Variants in ETS2 observed in about 807,000 individuals in gnomAD.
ETS2 encodes ETS proto-oncogene 2, transcription factor, also known as protein C-ets-2.
ETS2 carries 19 observed loss-of-function variants against 54.9 expected under a neutral mutation model. The ratio of observed to expected loss-of-function variants is 0.35; its 90% CI spans 0.24 to 0.51. The LOEUF is 0.51. ETS2 is among the 20% of genes least tolerant of loss of function. The pLI, the probability that ETS2 is intolerant of heterozygous loss-of-function variation, is 0.97. For synonymous variants in ETS2, 219 were observed against 229.3 expected (o/e 0.95, Z 0.41); for missense variants, 417 against 593.0 (o/e 0.70, Z 3.08).
rs753252691 is a variant in ETS2 at position 38,818,554 on chromosome 21, C to G, written c.719C>G (p.Pro240Arg). The change falls in exon 7 of 10, where the codon CCC (proline) becomes CGC (arginine). Residue 240 changes from proline (P) to arginine (R), a missense_variant. By Grantham distance (103) the Pro-to-Arg change is moderately radical (BLOSUM62 -2). This residue lies in a region of ETS2 where 326 missense variants were observed against 426.1 expected (regional missense o/e 0.76). Coordinates refer to ENST00000360938, the MANE Select transcript of ETS2 (RefSeq NM_005239.6). ...LSSEQEFQMF[P>R]KSRLSSVSVT... ...TCTGAGCAGGAGTTTCAGATGTTCCCCAAGTCTCGGCTCAGCTCCGTCAGC... is the reference window on the plus strand; with the variant it reads ...TCTGAGCAGGAGTTTCAGATGTTCCGCAAGTCTCGGCTCAGCTCCGTCAGC... 1.9e-6 allele frequency: 3 copies of G among 1,614,168 alleles called. No individual in the cohort carries two copies. In the South Asian group the frequency reaches 3.3e-5, roughly 18 times the overall value.
rs770404906 is a variant in ETS2, at chr21:38,814,144, T to C, written c.185-129T>C. ...AAGTTTTTTGTTAATAGTTACACTG[T>C]TTTAAGGAATCATGCCAAGGTTTGA... On this transcript the variant is annotated intron_variant, in intron 3 of 9. Coordinates refer to ENST00000360938, the MANE Select transcript of ETS2 (RefSeq NM_005239.6). The surrounding 1 kb of genome is among the most constrained non-coding windows in gnomAD (Gnocchi z 4.2). The C allele has an allele frequency of 2.5e-4, 232 of 919,174 alleles. No homozygotes were observed. The highest frequency in any genetic ancestry group is 2.9e-4 in the Non-Finnish European group (170 of 590,794). 56.9% of individuals were successfully genotyped at this position (919,174 alleles called of 1,614,324 possible).
At chr21:38,818,742 C>A in intron 7 of ETS2, 96 bp downstream of exon 7, 1 of 1,413,074 alleles carries the variant, frequency 7.1e-7, no homozygotes, top group Non-Finnish European at 9.9e-7. Context: ...CTGGATTCAG[C>A]CATTAGAGAA....
Position 38,819,647 on chromosome 21 carries a change from G to A in ETS2, c.956G>A (p.Ser319Asn). ...PSFESFEDDC[S>N]QSLCLNKPTM... is the part of the protein sequence containing the mutation. ...TTCGAGAGCTTCGAAGATGACTGCAGCCAGTCTCTCTGCCTCAATAAGCCA... is the reference window on the plus strand; with the variant it reads ...TTCGAGAGCTTCGAAGATGACTGCAACCAGTCTCTCTGCCTCAATAAGCCA... Residue 319 changes from serine to asparagine, a missense_variant, in exon 8 of 10, where the codon AGC (serine) becomes AAC (asparagine). By Grantham distance (46) the Ser-to-Asn change is conservative. Transcript: ENST00000360938. 1.9e-6 allele frequency: 3 copies of A among 1,614,200 alleles called. No individual in the cohort carries two copies. Among genetic ancestry groups the A allele is most frequent in the Non-Finnish European group, 2.5e-6 (3 of 1,180,022 alleles).
At chr21:38,819,389 T>C in intron 7 of ETS2, 114 bp from the exon 8 acceptor site, 2 of 927,696 alleles carry the variant, frequency 2.2e-6, no homozygotes, top group Non-Finnish European at 3.4e-6. Context: ...GTCTGAGTGG[T>C]TCTACACCAG....
chr21:38,811,822 G>A (rs1238760418), intron 2 of ETS2, among the ~76,000 whole-genome samples: 1 of 152,062 alleles, frequency 6.6e-6, no homozygotes, highest in African/African-American at 2.4e-5. Context: ...TAGGTGATTT[G>A]GGTTTTTTTT....
At chr21:38,805,605 G>A, upstream of ETS2, 1 of 1,260,976 alleles carries the variant, frequency 7.9e-7, no homozygotes, top group Non-Finnish European at 1.0e-6. This position sits in a 1 kb window ranked among gnomAD's most constrained non-coding sequence, Gnocchi z 5.2. Context: ...GACAGCAGGA[G>A]GCGGAGGGAA....
Position 38,806,556 on chromosome 21 carries a change from C to T in ETS2, c.-1+436C>T. The T allele has an allele frequency of 1.0e-6, 1 of 985,494 alleles. No homozygotes were observed. Among genetic ancestry groups the T allele is most frequent in the African/African-American group, 1.7e-5 (1 of 57,354 alleles). 61.0% of individuals were successfully genotyped at this position (985,494 alleles called of 1,614,324 possible). A position where few individuals can be genotyped will look rare whatever the true frequency, so the allele number is the denominator to read the frequency against. ...AGAGCGTGTCCGAGGTGGCCTGGCG[C>T]CCCGGCTTTGAGGGTGACTTCCTGG... On this transcript the variant is annotated intron_variant, in intron 1 of 9. Transcript: ENST00000360938. This position sits in a 1 kb window ranked among gnomAD's most constrained non-coding sequence, Gnocchi z 4.3.
upstream of ETS2, chr21:38,805,779 C>G: frequency 1.2e-6 from 1 of 812,548 alleles, no homozygotes; most frequent in Non-Finnish European, 1.6e-6. The surrounding 1 kb of genome is among the most constrained non-coding windows in gnomAD (Gnocchi z 5.2). Flanking sequence ...ACCTCCCTTC[C>G]CCTCCTCTTC....
Position 38,814,643 on chromosome 21 carries a change from G to A in ETS2, c.305-138G>A, listed in dbSNP as rs2060925867. ...GCCTGGGTCGTGTCAGAATGGTGAC[G>A]TGTCATCATGGTATCTTGCTCATTC... On this transcript the variant is annotated intron_variant, in intron 4 of 9. Coordinates refer to ENST00000360938, the MANE Select transcript of ETS2 (RefSeq NM_005239.6). The surrounding 1 kb of genome is among the most constrained non-coding windows in gnomAD (Gnocchi z 4.2). 1.1e-5 allele frequency: 9 copies of A among 820,792 alleles called. No homozygotes were observed. The highest frequency in any genetic ancestry group is 2.5e-5 in the East Asian group (1 of 39,416). The allele number at this position is 820,792 out of a possible 1,614,324, so 50.8% of individuals were successfully genotyped here.
At chr21:38,815,995 GA>G (rs1232204832) in intron 5 of ETS2, among the ~76,000 whole-genome samples, 6 of 182 alleles carry the variant, frequency 0.033, no homozygotes, top group African/African-American at 0.067. Flanking sequence ...AGGAAGGAAG[GA>G]AGGAAGGAAG....
intron 8 of ETS2, among the ~76,000 whole-genome samples, chr21:38,820,071 C>A (rs1160045426): frequency 6.6e-6 from 1 of 152,186 alleles, no homozygotes; most frequent in Non-Finnish European, 1.5e-5. Flanking sequence ...TCAGCCCTGA[C>A]TCACCCACTC....
chr21:38,813,053 T>G lies in ETS2; in HGVS notation c.123T>G (p.Pro41=), dbSNP rs757735341. ...ATGGGTCCCTGTTTGCTGTTTTTCC[T>G]TCTCTAAATGAAGAGCAAACACTGC... ...TFDGSLFAVF[P]SLNEEQTLQE... is the part of the protein sequence containing the mutation. Residue 41 remains proline (P), a synonymous_variant, in exon 3 of 10, where the codon CCT becomes CCG. Transcript: ENST00000360938. The G allele has an allele frequency of 2.7e-5, 43 of 1,614,086 alleles. No individual in the cohort carries two copies. In the South Asian group the frequency reaches 4.3e-4, roughly 16 times the overall value.
In ETS2 at chr21:38,806,757, G is replaced by A; in HGVS notation, c.-1+637G>A. 1 of 985,522 alleles carries A rather than the reference G, an allele frequency of 1.0e-6. No individual in the cohort carries two copies. 61.0% of individuals were successfully genotyped at this position (985,522 alleles called of 1,614,324 possible). A position where few individuals can be genotyped will look rare whatever the true frequency, so the allele number is the denominator to read the frequency against. ...GGGAACCTGTCGGAAATGAGATCTG[G>A]TTGCGCTGGGCTGCCTTTATTTTCT... On this transcript the variant is annotated intron_variant, in intron 1 of 9. Coordinates refer to ENST00000360938, the MANE Select transcript of ETS2 (RefSeq NM_005239.6). This position sits in a 1 kb window ranked among gnomAD's most constrained non-coding sequence, Gnocchi z 4.3.
chr21:38,820,829 G>A (rs909921538), intron 8 of ETS2, among the ~76,000 whole-genome samples: 3 of 152,212 alleles, frequency 2.0e-5, no homozygotes, highest in Admixed American at 6.5e-5. Flanking sequence ...GCTTAGGGTC[G>A]GAAGATCTAG....
intron 8 of ETS2, among the ~76,000 whole-genome samples, chr21:38,820,600 C>G (rs1179564373): frequency 6.6e-6 from 1 of 152,102 alleles, no homozygotes; most frequent in Non-Finnish European, 1.5e-5. Flanking sequence ...TTATTGACTG[C>G]CAACTCTGTA....
At chr21:38,813,249 T>C in intron 3 of ETS2, 135 bp downstream of exon 3, 1 of 674,454 alleles carries the variant, frequency 1.5e-6, no homozygotes, top group Admixed American at 2.2e-5. Context: ...GTTCTGGACC[T>C]GGGAGAAGGC....
intron 5 of ETS2, among the ~76,000 whole-genome samples, chr21:38,815,383 C>G (rs755399656): frequency 1.3e-5 from 2 of 152,092 alleles, no homozygotes; most frequent in African/African-American, 4.8e-5. Context: ...AAGGGGGGAG[C>G]CTTTACTCAC....
At chr21:38,822,583 T>G in intron 9 of ETS2, 91 bp from the exon 10 acceptor site, 1 of 1,159,294 alleles carries the variant, frequency 8.6e-7, no homozygotes, top group East Asian at 2.5e-5. Flanking sequence ...AGAGTGAACA[T>G]GCCTCAGAAT....
chr21:38,806,635 C>G lies in ETS2; in HGVS notation c.-1+515C>G. On this transcript the variant is annotated intron_variant, in intron 1 of 9. Coordinates refer to ENST00000360938, the MANE Select transcript of ETS2 (RefSeq NM_005239.6). This position sits in a 1 kb window ranked among gnomAD's most constrained non-coding sequence, Gnocchi z 4.3. Reference sequence around the variant, plus strand: ...CGCCCAAGACACCTGAAGGCTGCGGCACCGCGGGAACCTGCGGGGCGCGGG... The same window carrying G: ...CGCCCAAGACACCTGAAGGCTGCGGGACCGCGGGAACCTGCGGGGCGCGGG... 1 of 985,282 alleles carries G rather than the reference C, an allele frequency of 1.0e-6. No individual in the cohort carries two copies. Among genetic ancestry groups the G allele is most frequent in the Non-Finnish European group, 1.2e-6 (1 of 829,910 alleles). 61.0% of individuals were successfully genotyped at this position (985,282 alleles called of 1,614,324 possible).
Sources: gnomAD v4.1 joint callset for allele counts (sites outside exome capture counted in the v4.1 genomes callset) on GRCh38, gnomAD v4.1.1 for gene constraint, gnomAD v4.1.1 regional missense constraint, Gnocchi (gnomAD v3.1) non-coding constraint, MANE v1.5 for transcripts, NCBI Gene and HGNC (gene_info 2026-07-23, HGNC 2026-07-21) for gene names.